KAZN: variants seen among roughly 807,000 people sequenced by gnomAD.
KAZN encodes the protein kazrin, periplakin interacting protein, also known as kazrin.
KAZN carries 40 observed loss-of-function variants against 87.4 expected under a neutral mutation model. The observed-to-expected ratio is 0.46, with a 90% CI of 0.36 to 0.60. The LOEUF (loss-of-function observed/expected upper bound fraction) is 0.60, where lower values mean the gene tolerates loss of function less well. Ranked by LOEUF, KAZN falls within the 20% of genes least tolerant of loss-of-function variation. KAZN has a pLI of 0.00. For missense variants in KAZN, 898 were observed against 1,073.9 expected, an observed-to-expected ratio of 0.84 and a Z score of 2.29; for synonymous variants, 466 against 458.3, an observed-to-expected ratio of 1.02 and a Z score of -0.22.
chr1:14,217,639 A>T (rs1646988203), intron 2 of KAZN, among the ~76,000 whole-genome samples: 1 of 152,124 alleles, frequency 6.6e-6, no homozygotes, highest in Admixed American at 6.5e-5. Context: ...AATACCCAAA[A>T]CTATAATTTC....
chr1:13,946,426 A>G (rs1269721106), intron 1 of KAZN, among the ~76,000 whole-genome samples: 1 of 152,218 alleles, frequency 6.6e-6, no homozygotes, highest in Non-Finnish European at 1.5e-5. Flanking sequence ...TAAAATAGAA[A>G]TAAAGTGAGC....
intron 1 of KAZN, among the ~76,000 whole-genome samples, chr1:13,938,334 G>C (rs1640816224): frequency 6.6e-6 from 1 of 151,924 alleles, no homozygotes; most frequent in Non-Finnish European, 1.5e-5. Context: ...GATCATTCCT[G>C]GTGTATAGAA....
At chr1:14,480,914 TATATA>T (rs1166197067) in intron 2 of KAZN, among the ~76,000 whole-genome samples, 2 of 147,820 alleles carry the variant, frequency 1.4e-5, no homozygotes, top group African/African-American at 2.5e-5. Flanking sequence ...ATATATTTTA[TATATA>T]ATATATTAAT....
Position 14,367,027 on chromosome 1 carries a change from CA to C in KAZN, c.249+186437del, listed in dbSNP as rs772524784. ...CAGGCAGATCACGAGGTCAGGAGTT[CA>C]AGACTAGCCTGGCCAACATGGTGAA... On this transcript the variant is annotated intron_variant, in intron 2 of 16. Transcript: ENST00000636203. 2.2e-4 allele frequency among the ~76,000 whole-genome samples: 34 copies of C among 152,308 alleles called. No individual in the cohort carries two copies. In the South Asian group the frequency reaches 2.7e-3, roughly 12 times the overall value.
At chr1:15,098,769 G>C (rs1389867453) in intron 10 of KAZN, among the ~76,000 whole-genome samples, 1 of 152,244 alleles carries the variant, frequency 6.6e-6, no homozygotes, top group East Asian at 1.9e-4. Context: ...AGCTCCAGCT[G>C]GGCAGCCTCC....
intron 2 of KAZN, among the ~76,000 whole-genome samples, chr1:14,382,469 T>TCCCCCCG (rs1486234589): frequency 2.1e-5 from 1 of 46,952 alleles, no homozygotes; most frequent in Admixed American, 3.0e-4. Flanking sequence ...CCCTCCCCCC[T>TCCCCCCG]CCCCCCACCC....
At chr1:14,487,535 A>G (rs1033583206) in intron 2 of KAZN, among the ~76,000 whole-genome samples, 1 of 152,230 alleles carries the variant, frequency 6.6e-6, no homozygotes, top group African/African-American at 2.4e-5. Flanking sequence ...GAAGAAGAGG[A>G]GAGATGAAGA....
intron 8 of KAZN, among the ~76,000 whole-genome samples, chr1:15,092,060 G>GTTTTTTTTTTTTTTGTTTTTTTTTT (rs57460680): frequency 8.7e-6 from 1 of 114,418 alleles, no homozygotes. Context: ...TTGTTTTTTT[G>GTTTTTTTTTTTTTTGTTTTTTTTTT]TTTTTTTTTT....
intron 4 of KAZN, among the ~76,000 whole-genome samples, chr1:15,047,817 G>C (rs558664828): frequency 6.6e-6 from 1 of 152,048 alleles, no homozygotes; most frequent in Non-Finnish European, 1.5e-5. Flanking sequence ...AGCCAGGCCC[G>C]GGGGGATGGT....
intron 1 of KAZN, among the ~76,000 whole-genome samples, chr1:14,079,928 G>T (rs1188796324): frequency 6.7e-6 from 1 of 149,182 alleles, no homozygotes; most frequent in Non-Finnish European, 1.5e-5. Context: ...ATTTCAACAT[G>T]ACATTTGCAG....
intron 2 of KAZN, among the ~76,000 whole-genome samples, chr1:14,397,920 T>TCA (rs1663041170): frequency 6.6e-6 from 1 of 150,572 alleles, no homozygotes; most frequent in South Asian, 2.1e-4. Context: ...AGATAAGGCT[T>TCA]CACGAGTCCT....
At chr1:14,493,665 T>C (rs1669796254) in intron 2 of KAZN, among the ~76,000 whole-genome samples, 1 of 152,250 alleles carries the variant, frequency 6.6e-6, no homozygotes, top group Admixed American at 6.5e-5. Context: ...ATATAATATC[T>C]CTACGTGCTC....
chr1:14,731,207 TA>T (rs1231285674), intron 1 of KAZN, among the ~76,000 whole-genome samples: 2 of 152,176 alleles, frequency 1.3e-5, no homozygotes, highest in Non-Finnish European at 1.5e-5. Context: ...GCCGAGTAAT[TA>T]AAGAGGCTGC....
chr1:14,094,494 A>T (rs1263412614), intron 1 of KAZN, among the ~76,000 whole-genome samples: 1 of 152,228 alleles, frequency 6.6e-6, no homozygotes, highest in African/African-American at 2.4e-5. Flanking sequence ...AAATGTTTAA[A>T]TTAACTACAC....
intron 2 of KAZN, among the ~76,000 whole-genome samples, chr1:14,538,201 A>G (rs565969862): frequency 6.6e-6 from 1 of 152,214 alleles, no homozygotes; most frequent in Non-Finnish European, 1.5e-5. Context: ...TCTGATTACT[A>G]TATTAGACAA....
chr1:14,118,709 A>T (rs983935678), intron 1 of KAZN, among the ~76,000 whole-genome samples: 2 of 152,148 alleles, frequency 1.3e-5, no homozygotes, highest in South Asian at 2.1e-4. Context: ...CACTGAGGAG[A>T]TCTCAGAATT....
At chr1:14,377,759 C>T (rs937808767) in intron 2 of KAZN, among the ~76,000 whole-genome samples, 1 of 152,198 alleles carries the variant, frequency 6.6e-6, no homozygotes, top group South Asian at 2.1e-4. Context: ...TGATGACCTA[C>T]CTTGTTTGGT....
At chr1:14,394,733 T>G (rs1158923915) in intron 2 of KAZN, among the ~76,000 whole-genome samples, 1 of 152,210 alleles carries the variant, frequency 6.6e-6, no homozygotes, top group Non-Finnish European at 1.5e-5. Flanking sequence ...GTCCTTACTA[T>G]ATGTTGGGCT....
In KAZN at chr1:15,099,413, A is replaced by G. The variant is rs986175142; in HGVS notation, c.1548-2130A>G. Among the ~76,000 whole-genome samples, 5 of 152,246 alleles carry G rather than the reference A, an allele frequency of 3.3e-5. No individual in the cohort carries two copies. The highest frequency in any genetic ancestry group is 1.2e-4 in the African/African-American group (5 of 41,462). ...AGTATGTGATTAGAGCTTTGAAGGA[A>G]AGCACTAGGGACAGTAAGCAGACTT... On this transcript the variant is annotated intron_variant, in intron 10 of 14. Coordinates refer to ENST00000376030, the MANE Select transcript of KAZN (RefSeq NM_201628.3). This position sits in a 1 kb window ranked among gnomAD's most constrained non-coding sequence, Gnocchi z 5.4.
Sources: allele counts gnomAD v4.1 joint callset (sites outside exome capture counted in the v4.1 genomes callset), GRCh38; gene constraint gnomAD v4.1.1; non-coding constraint Gnocchi (gnomAD v3.1); transcripts MANE v1.5; gene names NCBI Gene and HGNC (gene_info 2026-07-23, HGNC 2026-07-21).